Variants in MBNL3 observed in about 807,000 individuals in gnomAD.
The protein encoded by MBNL3 is muscleblind like splicing regulator 3.
In MBNL3, 6 loss-of-function variants were observed where a neutral mutation model predicts 24.5. The observed-to-expected ratio is 0.25, with a 90% CI of 0.13 to 0.48. MBNL3 has a LOEUF of 0.48. MBNL3 is among the 20% of genes least tolerant of loss of function. The probability of loss-of-function intolerance (pLI) is 0.99; values close to 1 mark genes in which losing one functional copy is unlikely to be tolerated. For synonymous variants in MBNL3, 100 were observed against 101.7 expected, an observed-to-expected ratio of 0.98 and a Z score of 0.10; for missense variants, 230 against 293.5, an observed-to-expected ratio of 0.78 and a Z score of 1.58.
At chrX:132,420,170 G>A (rs1232476869) in intron 2 of MBNL3, among the ~76,000 whole-genome samples, 1 of 111,940 alleles carries the variant, frequency 8.9e-6, no homozygotes, top group Non-Finnish European at 1.9e-5. Context: ...GAAGAGAACC[G>A]TGGAACCCAG....
chrX:132,409,847 C>T (rs1173786281), intron 2 of MBNL3, among the ~76,000 whole-genome samples: 1 of 111,872 alleles, frequency 8.9e-6, no homozygotes, highest in African/African-American at 3.3e-5. Context: ...AATTTCCCTC[C>T]TTTTCCATTT....
intron 2 of MBNL3, among the ~76,000 whole-genome samples, chrX:132,424,999 T>TATC (rs1944181668): frequency 8.9e-6 from 1 of 112,259 alleles, no homozygotes; most frequent in Admixed American, 9.4e-5. Flanking sequence ...GGTTCTGTTT[T>TATC]ATCTGTCAGT....
At chrX:132,405,605 C>T (rs2148272813) in intron 3 of MBNL3, among the ~76,000 whole-genome samples, 1 of 111,119 alleles carries the variant, frequency 9.0e-6, no homozygotes, top group Admixed American at 9.5e-5. Flanking sequence ...AACAACAGGC[C>T]GGGCTCACGC....
At chrX:132,390,753 C>T in intron 5 of MBNL3, 94 bp downstream of exon 5, 1 of 706,201 alleles carries the variant, frequency 1.4e-6, no homozygotes. Context: ...CCTCTCATGA[C>T]CATCCATGAG....
At chrX:132,461,162 G>A (rs1424110581) in intron 1 of MBNL3, among the ~76,000 whole-genome samples, 1 of 111,746 alleles carries the variant, frequency 8.9e-6, no homozygotes, top group Non-Finnish European at 1.9e-5. Flanking sequence ...AGATGAACAC[G>A]GATGAACAAG....
chrX:132,432,705 G>T (rs761348982), intron 2 of MBNL3: 1 of 111,407 alleles, frequency 9.0e-6, no homozygotes. Context: ...ATATTACATT[G>T]TATGTATATA....
At chrX:132,487,572 T>C (rs1948074478) in intron 1 of MBNL3, among the ~76,000 whole-genome samples, 1 of 112,458 alleles carries the variant, frequency 8.9e-6, no homozygotes, top group Non-Finnish European at 1.9e-5. Context: ...GCCAACCAAG[T>C]AGTTTCTACT....
intron 2 of MBNL3, chrX:132,411,560 G>T: frequency 3.7e-6 from 1 of 268,559 alleles, no homozygotes; most frequent in Non-Finnish European, 5.1e-6. Context: ...AGCTCAGTAA[G>T]CACACAAGCC....
chrX:132,398,367 T>C (rs1004486526), intron 3 of MBNL3, among the ~76,000 whole-genome samples: 4 of 111,551 alleles, frequency 3.6e-5, no homozygotes, highest in African/African-American at 1.3e-4. Flanking sequence ...ACATTGTTCC[T>C]GAGGAGGTGA....
chrX:132,385,667 C>T (rs1023361425), intron 6 of MBNL3, among the ~76,000 whole-genome samples: 3 of 110,785 alleles, frequency 2.7e-5, no homozygotes, highest in South Asian at 7.5e-4. Flanking sequence ...TAAATGTATA[C>T]AAATTGTATA....
intron 1 of MBNL3, among the ~76,000 whole-genome samples, chrX:132,481,111 A>G (rs1056733146): frequency 5.4e-5 from 6 of 111,990 alleles, no homozygotes; most frequent in African/African-American, 2.0e-4. Flanking sequence ...CTGTGGCCTC[A>G]CTAAGTTATG....
chrX:132,439,324 AAATT>A, intron 2 of MBNL3, 107 bp downstream of exon 2: 5 of 913,549 alleles, frequency 5.5e-6, no homozygotes, highest in Non-Finnish European at 7.3e-6. Flanking sequence ...TAAAAAAACA[AAATT>A]TATCACTTTC....
intron 2 of MBNL3, among the ~76,000 whole-genome samples, chrX:132,436,094 G>A (rs1945101994): frequency 8.9e-6 from 1 of 112,026 alleles, no homozygotes; most frequent in Admixed American, 9.5e-5. Flanking sequence ...ATGGCAAACT[G>A]TAATATCAAG....
intron 1 of MBNL3, among the ~76,000 whole-genome samples, chrX:132,455,782 C>T (rs1449045961): frequency 2.7e-5 from 3 of 111,835 alleles, no homozygotes; most frequent in Admixed American, 9.5e-5. Flanking sequence ...CTACTGAAAA[C>T]CAGAAGGACA....
At chrX:132,481,786 T>G (rs1947752433) in intron 1 of MBNL3, among the ~76,000 whole-genome samples, 1 of 111,485 alleles carries the variant, frequency 9.0e-6, no homozygotes, top group Non-Finnish European at 1.9e-5. Context: ...AGGGGGAGTT[T>G]CAGTTAGAAA....
chrX:132,449,979 C>T (rs1205173000), intron 1 of MBNL3, among the ~76,000 whole-genome samples: 4 of 4,189 alleles, frequency 9.5e-4, no homozygotes, highest in African/African-American at 2.9e-3. Flanking sequence ...TGAATATTGC[C>T]CCCCCCCCCC....
chrX:132,463,137 C>T (rs780325262), intron 1 of MBNL3, among the ~76,000 whole-genome samples: 3 of 112,563 alleles, frequency 2.7e-5, no homozygotes, highest in African/African-American at 9.7e-5. Flanking sequence ...AAAATGCATA[C>T]CAATCTGACT....
At chrX:132,463,901 AG>A (rs1202108615) in intron 1 of MBNL3, among the ~76,000 whole-genome samples, 1 of 112,298 alleles carries the variant, frequency 8.9e-6, no homozygotes, top group Non-Finnish European at 1.9e-5. Context: ...AAGTTAAAAA[AG>A]GTTAAGCCAT....
intron 7 of MBNL3, 51 bp from the exon 8 acceptor site, chrX:132,382,323 G>A (rs778973841): frequency 1.1e-4 from 111 of 1,000,721 alleles, no homozygotes; most frequent in Non-Finnish European, 1.5e-4. Context: ...GAGGATTTAT[G>A]CAACCATAAC....
Sources: allele counts gnomAD v4.1 joint callset (sites outside exome capture counted in the v4.1 genomes callset), GRCh38; gene constraint gnomAD v4.1.1; transcripts MANE v1.5; gene names NCBI Gene and HGNC (gene_info 2026-07-23, HGNC 2026-07-21).